The following CEP128 variants were observed in gnomAD, a reference collection of about 807,000 sequenced individuals.
CEP128 encodes the protein centrosomal protein 128kDa.
Under a neutral mutation model 156.7 loss-of-function variants are expected in CEP128, and 132 were observed. That is an observed-to-expected ratio of 0.84 (90% CI 0.73 to 0.97). CEP128 has a LOEUF of 0.97. CEP128 is among the 50% of genes least tolerant of loss of function. The pLI is 0.00. For synonymous variants in CEP128, 469 were observed against 448.9 expected, an observed-to-expected ratio of 1.04 and a Z score of -0.57; for missense variants, 1,252 against 1,281.9, an observed-to-expected ratio of 0.98 and a Z score of 0.36.
At chr14:80,507,761 A>G (rs1483878297) in intron 23 of CEP128, among the ~76,000 whole-genome samples, 4 of 152,198 alleles carry the variant, frequency 2.6e-5, no homozygotes, top group African/African-American at 9.7e-5. Context: ...GGTGGCTTCA[A>G]AATGCGCCTA....
At chr14:80,510,731 G>A (rs1888205673) in intron 23 of CEP128, among the ~76,000 whole-genome samples, 1 of 151,778 alleles carries the variant, frequency 6.6e-6, no homozygotes. Context: ...ACTAGCTGTG[G>A]GCCTGTCATA....
chr14:80,760,769 A>G (rs1171328738), intron 17 of CEP128, among the ~76,000 whole-genome samples: 2 of 152,284 alleles, frequency 1.3e-5, no homozygotes, highest in East Asian at 3.9e-4. Flanking sequence ...GTGTTTATTT[A>G]TCATTTTACT....
chr14:80,810,323 C>CAAA (rs71103883), intron 13 of CEP128, among the ~76,000 whole-genome samples: 822 of 15,166 alleles, frequency 0.054, 99 homozygotes, highest in Middle Eastern at 0.083. Context: ...ACTCCATCTC[C>CAAA]AAAAAAAAAA....
upstream of CEP128, among the ~76,000 whole-genome samples, chr14:80,942,744 C>T (rs1007916034): frequency 6.6e-6 from 1 of 152,080 alleles, no homozygotes; most frequent in Non-Finnish European, 1.5e-5. Context: ...TCTTCTCACC[C>T]TTTCCTCACT....
At chr14:80,958,466 A>C (rs1014723947) in intron 1 of CEP128, among the ~76,000 whole-genome samples, 3 of 152,176 alleles carry the variant, frequency 2.0e-5, no homozygotes, top group African/African-American at 7.2e-5. Context: ...GCTTTGGAGA[A>C]AAAAGTCTGA....
chr14:80,834,601 AT>A (rs1885978854), intron 12 of CEP128, among the ~76,000 whole-genome samples: 1 of 152,064 alleles, frequency 6.6e-6, no homozygotes, highest in African/African-American at 2.4e-5. Context: ...AACTTCCAAA[AT>A]TTTTTTCATA....
chr14:80,927,874 G>A (rs1046553277), intron 2 of CEP128, among the ~76,000 whole-genome samples: 1 of 152,174 alleles, frequency 6.6e-6, no homozygotes, highest in Admixed American at 6.5e-5. Context: ...GCATACCTCT[G>A]AGGAATGAGA....
intron 2 of CEP128, among the ~76,000 whole-genome samples, chr14:80,925,581 G>GT (rs1168007141): frequency 6.6e-6 from 1 of 151,800 alleles, no homozygotes. Flanking sequence ...TGTTGGAAGG[G>GT]TTTTTTGTTT....
chr14:80,516,436 G>C (rs1419796321), intron 23 of CEP128, among the ~76,000 whole-genome samples: 1 of 152,152 alleles, frequency 6.6e-6, no homozygotes, highest in Admixed American at 6.5e-5. Flanking sequence ...CTCAGTTGGG[G>C]GAAAGGTGAT....
chr14:80,512,245 G>A (rs1377032493), intron 23 of CEP128, among the ~76,000 whole-genome samples: 1 of 151,844 alleles, frequency 6.6e-6, no homozygotes, highest in Admixed American at 6.6e-5. Context: ...TTATATATCT[G>A]GGTAATCCAG....
Position 80,786,380 on chromosome 14 carries a change from T to C in CEP128, c.1561-835A>G, listed in dbSNP as rs545230709. 4.6e-5 allele frequency among the ~76,000 whole-genome samples: 7 copies of C among 152,326 alleles called. No homozygotes were observed. The South Asian group carries it at 1.2e-3, about 27-fold the overall frequency. On this transcript the variant is annotated intron_variant, in intron 14 of 24. Coordinates refer to ENST00000555265, the MANE Select transcript of CEP128 (RefSeq NM_152446.5). Reference sequence around the variant, plus strand: ...AAAAAAAGGAACCAATTAAGACTCATTTCAGAATTACAAATAATGAGTTAA... The same window carrying C: ...AAAAAAAGGAACCAATTAAGACTCACTTCAGAATTACAAATAATGAGTTAA...
intron 19 of CEP128, among the ~76,000 whole-genome samples, chr14:80,611,222 C>T (rs1892981588): frequency 1.3e-5 from 2 of 150,266 alleles, no homozygotes; most frequent in Non-Finnish European, 3.0e-5. Flanking sequence ...TTCAATTAAG[C>T]TTTATTAAAC....
chr14:80,480,608 G>C (rs927297855), intron 14 of CEP128, among the ~76,000 whole-genome samples: 19 of 152,322 alleles, frequency 1.2e-4, no homozygotes, highest in Admixed American at 1.1e-3. Context: ...ATGGCCTGGA[G>C]ATATTTTCCC....
intron 19 of CEP128, among the ~76,000 whole-genome samples, chr14:80,632,021 T>TA (rs1186511649): frequency 6.6e-6 from 1 of 152,074 alleles, no homozygotes; most frequent in African/African-American, 2.4e-5. Flanking sequence ...GATGTGTTAT[T>TA]CAGCTCTTCT....
chr14:80,672,949 A>G (rs1895903668), intron 19 of CEP128, among the ~76,000 whole-genome samples: 2 of 152,182 alleles, frequency 1.3e-5, no homozygotes, highest in African/African-American at 2.4e-5. Flanking sequence ...AAAATAATTT[A>G]TTCTCAAACT....
chr14:80,637,578 A>G (rs1437228325), intron 19 of CEP128, among the ~76,000 whole-genome samples: 1 of 152,220 alleles, frequency 6.6e-6, no homozygotes, highest in African/African-American at 2.4e-5. Flanking sequence ...TACTCCGGAT[A>G]AGAACTCTTA....
intron 19 of CEP128, among the ~76,000 whole-genome samples, chr14:80,679,394 G>A (rs1304034603): frequency 6.6e-6 from 1 of 152,134 alleles, no homozygotes; most frequent in Non-Finnish European, 1.5e-5. Context: ...TTAATACCCT[G>A]GGGAAGGAAT....
chr14:80,877,701 G>A (rs1451420253), intron 8 of CEP128, among the ~76,000 whole-genome samples: 1 of 152,148 alleles, frequency 6.6e-6, no homozygotes, highest in African/African-American at 2.4e-5. Flanking sequence ...CCCAGTTGGG[G>A]TCAGCCCTAC....
intron 23 of CEP128, chr14:80,514,646 G>T: frequency 2.6e-6 from 1 of 391,832 alleles, no homozygotes; most frequent in South Asian, 1.9e-5. Context: ...CTTGAATTTT[G>T]TGGTGCTATT....
Sources: gnomAD v4.1 joint callset for allele counts (sites outside exome capture counted in the v4.1 genomes callset) on GRCh38, gnomAD v4.1.1 for gene constraint, MANE v1.5 for transcripts, NCBI Gene and HGNC (gene_info 2026-07-23, HGNC 2026-07-21) for gene names.